Variants in NPAS2 observed in about 807,000 individuals in gnomAD.
NPAS2 encodes the protein neuronal PAS domain-containing protein 2.
Under a neutral mutation model 107.5 loss-of-function variants are expected in NPAS2, and 23 were observed. The observed-to-expected ratio is 0.21, with a 90% CI of 0.15 to 0.30. The LOEUF is 0.30. NPAS2 is among the 10% of genes least tolerant of loss of function. NPAS2 has a pLI of 1.00. For missense variants in NPAS2, 756 were observed against 1,043.3 expected, an observed-to-expected ratio of 0.72 and a Z score of 3.79; for synonymous variants, 403 against 417.5, an observed-to-expected ratio of 0.97 and a Z score of 0.42.
chr2:100,925,337 G>A, intron 3 of NPAS2, 43 bp downstream of exon 3: 4 of 1,594,628 alleles, frequency 2.5e-6, no homozygotes, highest in Non-Finnish European at 3.4e-6. Context: ...ACCCTGCCCC[G>A]TCCATGTGGT....
intron 4 of NPAS2, among the ~76,000 whole-genome samples, chr2:100,933,474 A>G (rs1684102649): frequency 6.6e-6 from 1 of 152,192 alleles, no homozygotes; most frequent in Admixed American, 6.5e-5. Context: ...TGTTACATCC[A>G]CATGGCATAC....
rs557353573 is a variant in NPAS2 at position 100,996,225 on chromosome 2, A to G, written c.*643A>G. ...GTTATTAACCAAGCTACAGATTCAC[A>G]CTTTCTGGCCTAAACCCTAATGGGA... On this transcript the variant is annotated 3_prime_UTR_variant, in exon 21 of 21. Coordinates refer to ENST00000335681, the MANE Select transcript of NPAS2 (RefSeq NM_002518.4). The G allele has an allele frequency of 5.0e-6, 1 of 201,846 alleles. No individual in the cohort carries two copies. The highest frequency in any genetic ancestry group is 2.3e-5 in the African/African-American group (1 of 42,764). 12.5% of individuals were successfully genotyped at this position (201,846 alleles called of 1,614,324 possible).
At chr2:100,905,490 C>T (rs1057411979) in intron 2 of NPAS2, among the ~76,000 whole-genome samples, 1 of 151,848 alleles carries the variant, frequency 6.6e-6, no homozygotes, top group Non-Finnish European at 1.5e-5. Flanking sequence ...CAGTTTCACA[C>T]GATTCACCCA....
At chr2:100,851,421 A>G (rs1558807073) in intron 1 of NPAS2, among the ~76,000 whole-genome samples, 2 of 152,240 alleles carry the variant, frequency 1.3e-5, no homozygotes, top group Admixed American at 1.3e-4. Flanking sequence ...GTATACATCA[A>G]GGTCCTTGAC....
intron 4 of NPAS2, among the ~76,000 whole-genome samples, chr2:100,934,326 T>C (rs561112049): frequency 3.9e-5 from 6 of 151,904 alleles, no homozygotes; most frequent in South Asian, 2.1e-4. Flanking sequence ...TTTTTTTTTT[T>C]CCCAGTTAGT....
intron 3 of NPAS2, among the ~76,000 whole-genome samples, chr2:100,929,029 A>G (rs1218911808): frequency 6.6e-6 from 1 of 152,020 alleles, no homozygotes; most frequent in Admixed American, 6.6e-5. Context: ...TTAGCTTCCC[A>G]AGTAGCTGGG....
intron 3 of NPAS2, among the ~76,000 whole-genome samples, chr2:100,931,414 CG>C (rs1272803729): frequency 2.6e-5 from 4 of 151,576 alleles, no homozygotes; most frequent in Non-Finnish European, 5.9e-5. Context: ...CTGGTGGAGA[CG>C]AGCACTGCTG....
At chr2:100,821,144 C>T (rs1464559772) in intron 1 of NPAS2, 1 of 1,304,722 alleles carries the variant, frequency 7.7e-7, no homozygotes, top group Non-Finnish European at 1.0e-6. Flanking sequence ...AGGCACCACC[C>T]GGCTAAATTC....
At chr2:100,953,065 AAT>A (rs1404526930) in intron 7 of NPAS2, among the ~76,000 whole-genome samples, 3,797 of 149,766 alleles carry the variant, frequency 0.025, 177 homozygotes, top group South Asian at 0.056. Context: ...GTCAGAGACA[AAT>A]GAATTTCTCA....
chr2:100,961,143 A>C (rs1397846283), intron 7 of NPAS2, among the ~76,000 whole-genome samples: 1 of 152,178 alleles, frequency 6.6e-6, no homozygotes, highest in African/African-American at 2.4e-5. Context: ...CTATTACTTA[A>C]ATTGAAACAA....
chr2:100,850,953 CAAAAAAAAAA>C lies in NPAS2; in HGVS notation c.-23+30557_-23+30566del, dbSNP rs148858541. ...GGGCAACAAGAGTGAAACTCTGTCT[CAAAAAAAAAA>C]AAAAAAAAAAAAAAAAAGGAAGGAC... On this transcript the variant is annotated intron_variant, in intron 1 of 20. Transcript: ENST00000335681. Among the ~76,000 whole-genome samples the C allele has an allele frequency of 2.0e-3, 85 of 41,866 alleles. 2 individuals are homozygous for C. Among genetic ancestry groups the C allele is most frequent in the South Asian group, 0.014 (7 of 488 alleles). 27.5% of individuals were successfully genotyped at this position (41,866 alleles called of 152,430 possible). A position where few individuals can be genotyped will look rare whatever the true frequency, so the allele number is the denominator to read the frequency against.
At chr2:100,839,454 G>C (rs1336019562) in intron 1 of NPAS2, among the ~76,000 whole-genome samples, 2 of 152,034 alleles carry the variant, frequency 1.3e-5, no homozygotes, top group Admixed American at 1.3e-4. Flanking sequence ...TTATCTTGAT[G>C]CACTTCCATT....
chr2:100,853,559 G>C (rs1255304295), intron 1 of NPAS2, among the ~76,000 whole-genome samples: 1 of 152,166 alleles, frequency 6.6e-6, no homozygotes, highest in Non-Finnish European at 1.5e-5. Context: ...GTCTCCTTTT[G>C]TGTTCACTTG....
intron 10 of NPAS2, among the ~76,000 whole-genome samples, chr2:100,966,239 G>A (rs1558919366): frequency 6.6e-6 from 1 of 152,158 alleles, no homozygotes; most frequent in South Asian, 2.1e-4. Context: ...CCAGAAATGG[G>A]TGACTTTGTG....
intron 2 of NPAS2, among the ~76,000 whole-genome samples, chr2:100,916,164 G>C (rs1290089285): frequency 1.3e-5 from 2 of 151,940 alleles, no homozygotes; most frequent in Non-Finnish European, 1.5e-5. Context: ...AAAGAAAGCA[G>C]GAAAGGGGAA....
chr2:100,846,923 A>C (rs1352224759), intron 1 of NPAS2: 3 of 152,120 alleles, frequency 2.0e-5, no homozygotes, highest in Non-Finnish European at 4.4e-5. Flanking sequence ...CATCCACCAA[A>C]AGCCTGCATT....
At chr2:100,908,307 A>T (rs1366876130) in intron 2 of NPAS2, among the ~76,000 whole-genome samples, 1 of 152,088 alleles carries the variant, frequency 6.6e-6, no homozygotes, top group African/African-American at 2.4e-5. Context: ...TAAAATTTGC[A>T]GAGCGCTCAC....
At chr2:100,859,425 A>G (rs1558815251) in intron 1 of NPAS2, among the ~76,000 whole-genome samples, 2 of 152,228 alleles carry the variant, frequency 1.3e-5, no homozygotes, top group Non-Finnish European at 2.9e-5. Flanking sequence ...CCCAGAGCTC[A>G]TAGAATAGTG....
intron 1 of NPAS2, among the ~76,000 whole-genome samples, chr2:100,873,305 TATACACACACACACACAC>T (rs1679731025): frequency 2.6e-5 from 1 of 38,272 alleles, no homozygotes; most frequent in African/African-American, 9.2e-5. Context: ...TATATATATA[TATACACACACACACACAC>T]ACACACACAC....
Sources: allele counts gnomAD v4.1 joint callset (sites outside exome capture counted in the v4.1 genomes callset), GRCh38; gene constraint gnomAD v4.1.1; transcripts MANE v1.5; gene names NCBI Gene and HGNC (gene_info 2026-07-23, HGNC 2026-07-21).